Variants in WDFY3 observed in about 807,000 individuals in gnomAD.
WDFY3 encodes the protein WD repeat and FYVE domain containing 3.
Under a neutral mutation model 409.6 loss-of-function variants are expected in WDFY3, and 66 were observed. The ratio of observed to expected loss-of-function variants is 0.16; its 90% CI spans 0.13 to 0.20. The LOEUF is 0.20. Among genes scored for constraint, WDFY3 ranks in the 10% least tolerant of loss-of-function variants. WDFY3 has a pLI of 1.00. For synonymous variants in WDFY3, 1,521 were observed against 1,537.1 expected (o/e 0.99, Z 0.25); for missense variants, 3,031 against 4,298.1 (o/e 0.71, Z 8.24).
rs548169761 is a variant in WDFY3 at position 84,878,886 on chromosome 4, T to G, written c.-32+18025A>C. 2.6e-5 allele frequency among the ~76,000 whole-genome samples: 4 copies of G among 152,322 alleles called. 1 individual carries two copies. The South Asian group carries it at 8.3e-4, about 32-fold the overall frequency. On this transcript the variant is annotated intron_variant, in intron 3 of 67. Transcript: ENST00000295888. ...AAAGGCTGCACTGCACACTCTGTGT[T>G]TGCATCCCCACCTGTAATAGCATTG...
chr4:84,787,472 A>G lies in WDFY3; in HGVS notation c.3901+10T>C. 6.2e-7 allele frequency: 1 copy of G among 1,607,568 alleles called. No individual in the cohort carries two copies. Among genetic ancestry groups the G allele is most frequent in the Admixed American group, 1.7e-5 (1 of 59,784 alleles). ...CATACAACTTCAAGAACTAAAAATA[A>G]GTTACTCACATGGCATACATACAGC... On this transcript the variant is annotated intron_variant, in intron 23 of 67. Transcript: ENST00000295888.
At chr4:84,738,600 TAAA>T (rs745331961) in intron 40 of WDFY3, among the ~76,000 whole-genome samples, 1 of 127,064 alleles carries the variant, frequency 7.9e-6, no homozygotes, top group Non-Finnish European at 1.7e-5. Context: ...AGATTTTGTT[TAAA>T]AAAAAAAAAA....
intron 9 of WDFY3, among the ~76,000 whole-genome samples, chr4:84,828,225 T>C (rs1447163686): frequency 6.6e-6 from 1 of 152,158 alleles, no homozygotes; most frequent in Non-Finnish European, 1.5e-5. Context: ...TATCTTCTTC[T>C]TAAGAAAATC....
intron 33 of WDFY3, among the ~76,000 whole-genome samples, chr4:84,756,635 TAAAATAAA>T (rs1741508865): frequency 6.9e-6 from 1 of 144,020 alleles, no homozygotes; most frequent in South Asian, 2.2e-4. Flanking sequence ...TAAAATAAAA[TAAAATAAA>T]TCATATAACA....
chr4:84,882,355 GTTTC>G (rs1023198726), intron 3 of WDFY3, among the ~76,000 whole-genome samples: 1 of 152,124 alleles, frequency 6.6e-6, no homozygotes, highest in African/African-American at 2.4e-5. Context: ...TCAGTAATCT[GTTTC>G]TTTATATTCA....
At chr4:84,768,798 A>T (rs556489832) in intron 30 of WDFY3, among the ~76,000 whole-genome samples, 6 of 152,318 alleles carry the variant, frequency 3.9e-5, no homozygotes, top group African/African-American at 1.4e-4. Flanking sequence ...TTTATTATTT[A>T]AGAAATACAT....
intron 1 of WDFY3, among the ~76,000 whole-genome samples, chr4:84,947,746 G>A (rs993549117): frequency 4.0e-5 from 6 of 150,124 alleles, no homozygotes; most frequent in Non-Finnish European, 8.9e-5. Flanking sequence ...GCCAGGCATG[G>A]TGGCATGTGC....
In WDFY3 at chr4:84,737,386, A is replaced by G; in HGVS notation, c.6575-20T>C. The G allele has an allele frequency of 6.5e-7, 1 of 1,532,002 alleles. No homozygotes were observed. Among genetic ancestry groups the G allele is most frequent in the South Asian group, 1.3e-5 (1 of 77,776 alleles). The allele number at this position is 1,532,002 out of a possible 1,614,324, so 94.9% of individuals were successfully genotyped here. On this transcript the variant is annotated intron_variant, in intron 40 of 67. Coordinates refer to ENST00000295888, the MANE Select transcript of WDFY3 (RefSeq NM_014991.6). ...GACGCCCTAGTAAACAAACAAACAA[A>G]CAAACAAAAAAGTAAGCAAATGATC...
At chr4:84,803,612 T>C in intron 15 of WDFY3, 145 bp from the exon 16 acceptor site, 5 of 876,468 alleles carry the variant, frequency 5.7e-6, no homozygotes, top group Non-Finnish European at 8.6e-6. Flanking sequence ...TATTATCAAC[T>C]CGAGTTGATA....
chr4:84,833,885 AG>A (rs1756168478), intron 7 of WDFY3, among the ~76,000 whole-genome samples: 1 of 152,220 alleles, frequency 6.6e-6, no homozygotes. Flanking sequence ...AGTATCAGAA[AG>A]GAAAAAAAGG....
At chr4:84,727,448 C>G (rs1226277211) in intron 44 of WDFY3, among the ~76,000 whole-genome samples, 1 of 152,148 alleles carries the variant, frequency 6.6e-6, no homozygotes, top group African/African-American at 2.4e-5. Flanking sequence ...GATCTACTTC[C>G]TTCACTACCT....
chr4:84,945,579 T>C (rs1421087225), intron 1 of WDFY3, among the ~76,000 whole-genome samples: 1 of 152,176 alleles, frequency 6.6e-6, no homozygotes, highest in Non-Finnish European at 1.5e-5. Context: ...AGAGGAGTAA[T>C]GGCATTTTGA....
At chr4:84,960,840 G>A (rs180693018) in intron 1 of WDFY3, among the ~76,000 whole-genome samples, 11 of 152,178 alleles carry the variant, frequency 7.2e-5, no homozygotes, top group African/African-American at 2.6e-4. Context: ...TTATTCCAAC[G>A]GGGCAACCCA....
chr4:84,744,852 CAAAAAAAAAAAA>C (rs1165273561), intron 36 of WDFY3, among the ~76,000 whole-genome samples: 22 of 15,742 alleles, frequency 1.4e-3, no homozygotes, highest in Non-Finnish European at 1.9e-3. Flanking sequence ...GACTCCGTCT[CAAAAAAAAAAAA>C]AAAAAAAAAA....
intron 2 of WDFY3, among the ~76,000 whole-genome samples, chr4:84,925,336 A>G (rs1769830559): frequency 6.6e-6 from 1 of 152,194 alleles, no homozygotes; most frequent in Non-Finnish European, 1.5e-5. Flanking sequence ...TTTAAAAAAA[A>G]TCTCATGTGG....
At chr4:84,737,102 G>T in intron 41 of WDFY3, 82 bp downstream of exon 41, 1 of 1,436,016 alleles carries the variant, frequency 7.0e-7, no homozygotes, top group Non-Finnish European at 9.6e-7. Context: ...TTTTGTGAAT[G>T]CTGTAGTCAC....
chr4:84,843,301 A>G (rs1190720172), intron 5 of WDFY3, among the ~76,000 whole-genome samples: 1 of 152,240 alleles, frequency 6.6e-6, no homozygotes, highest in Non-Finnish European at 1.5e-5. Flanking sequence ...ACTATTTTGT[A>G]AAGAATAGCA....
At chr4:84,912,097 T>G (rs970908894) in intron 2 of WDFY3, among the ~76,000 whole-genome samples, 5 of 152,222 alleles carry the variant, frequency 3.3e-5, no homozygotes, top group African/African-American at 1.2e-4. Context: ...TCAAGGTTCA[T>G]GCATATATTT....
intron 64 of WDFY3, among the ~76,000 whole-genome samples, chr4:84,680,343 G>A (rs1357209897): frequency 6.6e-6 from 1 of 152,178 alleles, no homozygotes; most frequent in Non-Finnish European, 1.5e-5. Flanking sequence ...AGGCTGGAGT[G>A]TAGTGGAGCG....
Sources: allele counts gnomAD v4.1 joint callset (sites outside exome capture counted in the v4.1 genomes callset), GRCh38; gene constraint gnomAD v4.1.1; transcripts MANE v1.5; gene names NCBI Gene and HGNC (gene_info 2026-07-23, HGNC 2026-07-21).